NPAS3: variants seen among roughly 807,000 people sequenced by gnomAD.
The protein encoded by NPAS3 is neuronal PAS domain-containing protein 3.
Under a neutral mutation model 73.1 loss-of-function variants are expected in NPAS3, and 14 were observed. The ratio of observed to expected loss-of-function variants is 0.19; its 90% CI spans 0.13 to 0.30. NPAS3 has a LOEUF of 0.30. Among genes scored for constraint, NPAS3 ranks in the 10% least tolerant of loss-of-function variants. The probability of loss-of-function intolerance (pLI) is 1.00; values close to 1 mark genes in which losing one functional copy is unlikely to be tolerated. For synonymous variants in NPAS3, 620 were observed against 541.5 expected (o/e 1.14, Z -2.01); for missense variants, 1,096 against 1,250.0 (o/e 0.88, Z 1.86).
chr14:33,013,511 G>T (rs1456190983), intron 1 of NPAS3, among the ~76,000 whole-genome samples: 1 of 152,072 alleles, frequency 6.6e-6, no homozygotes, highest in Non-Finnish European at 1.5e-5. Context: ...GTACAGAAAT[G>T]TAAAGACAAA....
intron 5 of NPAS3, among the ~76,000 whole-genome samples, chr14:33,668,540 G>T (rs1273303950): frequency 6.6e-6 from 1 of 152,160 alleles, no homozygotes; most frequent in Non-Finnish European, 1.5e-5. Context: ...AGCTGGGCTG[G>T]CGAGGTGGCG....
chr14:32,960,400 T>C (rs1156416051), intron 1 of NPAS3, among the ~76,000 whole-genome samples: 1 of 151,944 alleles, frequency 6.6e-6, no homozygotes, highest in Non-Finnish European at 1.5e-5. Context: ...ATAAAAAGAG[T>C]CATTTTTGAA....
rs2063417454 is a variant in NPAS3, at chr14:33,793,319, C to G, written c.1154-578C>G. Among the ~76,000 whole-genome samples, 5 of 152,208 alleles carry G rather than the reference C, an allele frequency of 3.3e-5. No individual in the cohort carries two copies. In the South Asian group the frequency reaches 8.3e-4, roughly 25 times the overall value. ...ATTTTGTTCCAACATTCAGCGAAGTCTCACCAGAATCTCCCCCGACTGACC... is the reference window on the plus strand; with the variant it reads ...ATTTTGTTCCAACATTCAGCGAAGTGTCACCAGAATCTCCCCCGACTGACC... On this transcript the variant is annotated intron_variant, in intron 9 of 11. Transcript: ENST00000356141.
At chr14:33,580,403 C>G (rs754838196) in intron 5 of NPAS3, among the ~76,000 whole-genome samples, 26 of 152,176 alleles carry the variant, frequency 1.7e-4, no homozygotes, top group Admixed American at 1.3e-4. Context: ...TAAGATGACT[C>G]CAGGCCAATA....
intron 4 of NPAS3, among the ~76,000 whole-genome samples, chr14:33,502,922 T>G (rs1171786201): frequency 6.6e-6 from 1 of 151,952 alleles, no homozygotes; most frequent in Admixed American, 6.6e-5. Context: ...TTATGGAAAC[T>G]TGCAGATCTA....
chr14:33,324,641 A>G (rs764794147), intron 3 of NPAS3, among the ~76,000 whole-genome samples: 8 of 152,202 alleles, frequency 5.3e-5, no homozygotes, highest in Non-Finnish European at 1.5e-5. Context: ...AGAAAATAAT[A>G]GAGATTTCTG....
chr14:33,056,066 A>C, intron 2 of NPAS3, 72 bp downstream of exon 2: 1 of 676,412 alleles, frequency 1.5e-6, no homozygotes, highest in Non-Finnish European at 2.6e-6. Context: ...CTATTCAAAA[A>C]TATCCTTGTA....
intron 5 of NPAS3, among the ~76,000 whole-genome samples, chr14:33,643,368 TAAAAATTAAAAAAAA>T (rs1040582120): frequency 3.2e-4 from 9 of 28,500 alleles, no homozygotes; most frequent in Non-Finnish European, 5.7e-4. Context: ...AAGAAAGAAA[TAAAAATTAAAAAAAA>T]AAAAAAAAAA....
At chr14:33,090,808 T>A (rs962553895) in intron 2 of NPAS3, among the ~76,000 whole-genome samples, 4 of 152,314 alleles carry the variant, frequency 2.6e-5, no homozygotes, top group Middle Eastern at 6.8e-3. Flanking sequence ...CTCAGACCAC[T>A]GTGCCATCAA....
intron 1 of NPAS3, among the ~76,000 whole-genome samples, chr14:32,970,701 T>C (rs2037382946): frequency 2.0e-5 from 3 of 152,162 alleles, no homozygotes; most frequent in South Asian, 2.1e-4. Flanking sequence ...TCTTACCTTC[T>C]TCTGGAGGTT....
intron 6 of NPAS3, among the ~76,000 whole-genome samples, chr14:33,679,143 G>C (rs902570712): frequency 3.3e-5 from 5 of 152,144 alleles, no homozygotes; most frequent in Non-Finnish European, 5.9e-5. Flanking sequence ...CACATCACTT[G>C]ACTTGGGCTC....
intron 4 of NPAS3, among the ~76,000 whole-genome samples, chr14:33,457,590 G>T (rs994115872): frequency 5.9e-5 from 9 of 152,124 alleles, no homozygotes; most frequent in African/African-American, 9.7e-5. Flanking sequence ...GACCTTAATT[G>T]CTTCTATTTT....
chr14:33,053,758 T>A (rs2138516206), intron 1 of NPAS3, among the ~76,000 whole-genome samples: 1 of 152,244 alleles, frequency 6.6e-6, no homozygotes, highest in Middle Eastern at 3.4e-3. Flanking sequence ...CATCATAACA[T>A]TTTCTGTCAC....
intron 2 of NPAS3, among the ~76,000 whole-genome samples, chr14:33,207,523 T>G (rs906264657): frequency 2.0e-5 from 3 of 152,144 alleles, no homozygotes; most frequent in Middle Eastern, 3.2e-3. Flanking sequence ...AGGACATTCA[T>G]TTATCCTCAA....
At chr14:33,639,114 C>A (rs578103349) in intron 5 of NPAS3, among the ~76,000 whole-genome samples, 22 of 152,134 alleles carry the variant, frequency 1.4e-4, no homozygotes, top group Non-Finnish European at 3.1e-4. Flanking sequence ...TAAGGAAAAC[C>A]ACCTTAGAGT....
At chr14:33,480,679 C>T (rs1228944375) in intron 4 of NPAS3, among the ~76,000 whole-genome samples, 1 of 151,596 alleles carries the variant, frequency 6.6e-6, no homozygotes, top group East Asian at 1.9e-4. Flanking sequence ...GTGACCCTTT[C>T]CCCTGCAAGT....
At chr14:32,961,956 CAA>C (rs2036939034) in intron 1 of NPAS3, among the ~76,000 whole-genome samples, 2 of 152,080 alleles carry the variant, frequency 1.3e-5, no homozygotes, top group African/African-American at 4.8e-5. Flanking sequence ...CAAATTAACA[CAA>C]GTTAGTTATT....
At chr14:33,498,228 T>C (rs2052311580) in intron 4 of NPAS3, among the ~76,000 whole-genome samples, 1 of 152,158 alleles carries the variant, frequency 6.6e-6, no homozygotes, top group East Asian at 1.9e-4. Context: ...ATAGGAATGC[T>C]TTTACACTGT....
At chr14:33,377,896 A>G (rs2046376263) in intron 4 of NPAS3, among the ~76,000 whole-genome samples, 1 of 152,230 alleles carries the variant, frequency 6.6e-6, no homozygotes, top group Non-Finnish European at 1.5e-5. Context: ...CCTAATTTGC[A>G]TCAGGGACTG....
Sources: allele counts gnomAD v4.1 joint callset (sites outside exome capture counted in the v4.1 genomes callset), GRCh38; gene constraint gnomAD v4.1.1; transcripts MANE v1.5; gene names NCBI Gene and HGNC (gene_info 2026-07-23, HGNC 2026-07-21).